The following GOLM2 variants were observed in gnomAD, a reference collection of about 807,000 sequenced individuals.
GOLM2 encodes protein GOLM2.
In GOLM2, 26 loss-of-function variants were observed where a neutral mutation model predicts 55.9. The ratio of observed to expected loss-of-function variants is 0.47; its 90% CI spans 0.34 to 0.65. The LOEUF is 0.65. Ranked by LOEUF, GOLM2 falls within the 30% of genes least tolerant of loss-of-function variation. The probability of loss-of-function intolerance (pLI) is 0.01; values close to 1 mark genes in which losing one functional copy is unlikely to be tolerated. For missense variants in GOLM2, 486 were observed against 531.8 expected, an observed-to-expected ratio of 0.91 and a Z score of 0.85; for synonymous variants, 165 against 194.6, an observed-to-expected ratio of 0.85 and a Z score of 1.27.
At chr15:44,334,098 T>C (rs1372651587) in intron 4 of GOLM2, among the ~76,000 whole-genome samples, 1 of 152,214 alleles carries the variant, frequency 6.6e-6, no homozygotes, top group African/African-American at 2.4e-5. Flanking sequence ...TGTTCTTCTA[T>C]ACTAGGCTAT....
At chr15:44,313,768 G>A (rs2078889744) in intron 1 of GOLM2, among the ~76,000 whole-genome samples, 1 of 152,022 alleles carries the variant, frequency 6.6e-6, no homozygotes, top group South Asian at 2.1e-4. Context: ...GTATCCCTAG[G>A]TCTAGCACAT....
At chr15:44,380,717 C>G in intron 7 of GOLM2, 89 bp from the exon 8 acceptor site, 1 of 898,674 alleles carries the variant, frequency 1.1e-6, no homozygotes, top group South Asian at 4.5e-5. Context: ...AATAGTGTGT[C>G]TTAGCTTTCT....
chr15:44,312,451 G>A (rs1219745540), intron 1 of GOLM2, among the ~76,000 whole-genome samples: 1 of 151,978 alleles, frequency 6.6e-6, no homozygotes, highest in Non-Finnish European at 1.5e-5. Context: ...TACCAAATCT[G>A]TAGGAATACC....
At chr15:44,298,818 T>G (rs544314598) in intron 1 of GOLM2, among the ~76,000 whole-genome samples, 2 of 152,320 alleles carry the variant, frequency 1.3e-5, no homozygotes, top group South Asian at 4.1e-4. Context: ...CTAAATCACC[T>G]GTGAATGTTA....
chr15:44,371,998 G>A (rs1410306975), intron 6 of GOLM2, among the ~76,000 whole-genome samples: 1 of 152,088 alleles, frequency 6.6e-6, no homozygotes, highest in Non-Finnish European at 1.5e-5. Context: ...ATCATGCAGG[G>A]TAAATGGCAT....
rs773260804 is a variant in GOLM2, at chr15:44,288,986, G to C, written c.-44G>C. The C allele has an allele frequency of 6.5e-7, 1 of 1,539,366 alleles. No individual in the cohort carries two copies. Among genetic ancestry groups the C allele is most frequent in the Non-Finnish European group, 8.8e-7 (1 of 1,130,038 alleles). On this transcript the variant is annotated 5_prime_UTR_variant, in exon 1 of 10. Transcript: ENST00000299957. ...GCCGAGGCCTGGGCTTCTGCCTGCA[G>C]GTGTCTGCGGCGAGGCCCCTAGGGT... is the stretch of plus-strand genomic sequence containing the variant.
chr15:44,400,074 A>C (rs186423770), intron 8 of GOLM2, among the ~76,000 whole-genome samples: 50 of 152,242 alleles, frequency 3.3e-4, no homozygotes, highest in Middle Eastern at 3.4e-3. Context: ...AAAGAAAGAT[A>C]ATAAAGCCCA....
rs760731219 is a variant in GOLM2, at chr15:44,324,141, ACTT to A, written c.382+1126_382+1128del. On this transcript the variant is annotated intron_variant, in intron 2 of 9. Transcript: ENST00000299957. ...ATGCTTTCACTTGTCATCAAAGTAT[ACTT>A]CTTATTAAATGTTAAGAAATACTAT... Among the ~76,000 whole-genome samples, 53 of 152,326 alleles carry A rather than the reference ACTT, an allele frequency of 3.5e-4. 1 individual carries two copies. The East Asian group carries it at 7.1e-3, about 20-fold the overall frequency.
intron 4 of GOLM2, among the ~76,000 whole-genome samples, chr15:44,336,007 G>T (rs967309153): frequency 6.6e-6 from 1 of 151,702 alleles, no homozygotes; most frequent in African/African-American, 2.4e-5. Context: ...TAGAGACGGG[G>T]TTTCGCCATG....
chr15:44,365,038 A>AT (rs1183629150), intron 6 of GOLM2, among the ~76,000 whole-genome samples: 1 of 152,220 alleles, frequency 6.6e-6, no homozygotes, highest in African/African-American at 2.4e-5. Flanking sequence ...ACTCCTTGGT[A>AT]TCTATCAAAA....
intron 6 of GOLM2, among the ~76,000 whole-genome samples, chr15:44,376,276 G>A (rs1040024192): frequency 6.6e-6 from 1 of 152,068 alleles, no homozygotes; most frequent in Admixed American, 6.6e-5. Flanking sequence ...AGATACCTAT[G>A]TTGTTTCTTG....
At chr15:44,306,475 CT>C (rs1038378006) in intron 1 of GOLM2, among the ~76,000 whole-genome samples, 2 of 152,142 alleles carry the variant, frequency 1.3e-5, no homozygotes, top group African/African-American at 4.8e-5. Flanking sequence ...ACCATGGAAA[CT>C]TTCTCCATAT....
intron 1 of GOLM2, among the ~76,000 whole-genome samples, chr15:44,315,297 A>G (rs527519940): frequency 1.2e-4 from 18 of 152,336 alleles, no homozygotes; most frequent in African/African-American, 4.1e-4. Context: ...TAGTAAGCCA[A>G]TTGTATATAA....
intron 8 of GOLM2, among the ~76,000 whole-genome samples, chr15:44,389,252 G>C (rs935739816): frequency 6.6e-6 from 1 of 152,030 alleles, no homozygotes; most frequent in Non-Finnish European, 1.5e-5. Context: ...CATTGTGGCC[G>C]GGCACAGTGG....
chr15:44,317,087 C>A (rs1193938259), intron 1 of GOLM2, among the ~76,000 whole-genome samples: 1 of 152,142 alleles, frequency 6.6e-6, no homozygotes, highest in African/African-American at 2.4e-5. Context: ...TGAAGCCACT[C>A]ACAGCCTAAT....
chr15:44,337,765 A>G lies in GOLM2; in HGVS notation c.579A>G (p.Gln193=), dbSNP rs769427101. 1.3e-6 allele frequency: 2 copies of G among 1,568,992 alleles called. No homozygotes were observed. Among genetic ancestry groups the G allele is most frequent in the South Asian group, 1.2e-5 (1 of 82,838 alleles). ...TATTACCAAATTTTGTCTAACAGCA[A>G]GAGACCCAAAAGATTCAATCAAATG... is the stretch of plus-strand genomic sequence containing the variant. ...LADQFLEEQK[Q]ETQKIQSNDG... is the part of the protein sequence containing the mutation. The change falls in exon 5 of 10, where the codon CAA becomes CAG. Residue 193 remains glutamine, a splice_region_variant and synonymous_variant. Coordinates refer to ENST00000299957, the MANE Select transcript of GOLM2 (RefSeq NM_138423.4).
intron 1 of GOLM2, among the ~76,000 whole-genome samples, chr15:44,295,949 G>A (rs202204617): frequency 7.3e-6 from 1 of 137,350 alleles, no homozygotes; most frequent in African/African-American, 3.2e-5. Context: ...CACACACACA[G>A]ACACCCTTTT....
chr15:44,407,412 T>C (rs1367319291), intron 9 of GOLM2, among the ~76,000 whole-genome samples: 2 of 151,414 alleles, frequency 1.3e-5, no homozygotes, highest in Non-Finnish European at 2.9e-5. Context: ...ACTACAGGCA[T>C]GCACCACCAC....
At chr15:44,365,504 G>A (rs868764525) in intron 6 of GOLM2, among the ~76,000 whole-genome samples, 2 of 151,868 alleles carry the variant, frequency 1.3e-5, no homozygotes, top group African/African-American at 4.8e-5. Flanking sequence ...GGACAATGGA[G>A]TAAGAACCTG....
Sources: gnomAD v4.1 joint callset for allele counts (sites outside exome capture counted in the v4.1 genomes callset) on GRCh38, gnomAD v4.1.1 for gene constraint, MANE v1.5 for transcripts, NCBI Gene and HGNC (gene_info 2026-07-23, HGNC 2026-07-21) for gene names.